The following ENTREP2 variants were observed in gnomAD, a reference collection of about 807,000 sequenced individuals.
ENTREP2 encodes endosomal transmembrane epsin interactor 2, also known as protein ENTREP2.
chr15:29,650,375 C>G, the ENTREP2 span, among the ~76,000 whole-genome samples: 1 of 151,962 alleles, frequency 6.6e-6, no homozygotes, highest in Non-Finnish European at 1.5e-5. Context: ...GGTGGATCAC[C>G]TGAGATCAGG....
chr15:29,645,630 T>C, the ENTREP2 span, among the ~76,000 whole-genome samples: 1 of 152,006 alleles, frequency 6.6e-6, no homozygotes, highest in Non-Finnish European at 1.5e-5. Flanking sequence ...TGGTCTCGGC[T>C]CACTACAAGC....
the ENTREP2 span, among the ~76,000 whole-genome samples, chr15:29,134,944 G>A: frequency 4.5e-4 from 69 of 152,244 alleles, no homozygotes; most frequent in Middle Eastern, 3.4e-3. Context: ...CTGATCTGAT[G>A]CCCGGTACCA....
At chr15:29,138,590 TGTA>T in the ENTREP2 span, among the ~76,000 whole-genome samples, 16 of 151,660 alleles carry the variant, frequency 1.1e-4, no homozygotes, top group African/African-American at 3.6e-4. Flanking sequence ...CATGTGTCTG[TGTA>T]TATATGTATG....
At chr15:29,506,072 C>T in the ENTREP2 span, among the ~76,000 whole-genome samples, 5 of 152,086 alleles carry the variant, frequency 3.3e-5, no homozygotes, top group African/African-American at 1.2e-4. Flanking sequence ...CATAAATGAC[C>T]TGATGGAGCT....
the ENTREP2 span, among the ~76,000 whole-genome samples, chr15:29,383,339 G>A: frequency 6.6e-6 from 1 of 152,176 alleles, no homozygotes; most frequent in South Asian, 2.1e-4. Context: ...CTCCACAAGA[G>A]TACCTCTTCT....
At chr15:29,246,754 C>CT in the ENTREP2 span, among the ~76,000 whole-genome samples, 3 of 152,082 alleles carry the variant, frequency 2.0e-5, no homozygotes, top group East Asian at 5.8e-4. Flanking sequence ...CTAGAAACAT[C>CT]TTTTAACTTA....
the ENTREP2 span, among the ~76,000 whole-genome samples, chr15:29,542,697 T>C: frequency 6.6e-6 from 1 of 152,146 alleles, no homozygotes; most frequent in Non-Finnish European, 1.5e-5. Flanking sequence ...GAGCTCTTTT[T>C]ATCATGCAAA....
the ENTREP2 span, among the ~76,000 whole-genome samples, chr15:29,397,353 T>C: frequency 2.0e-5 from 3 of 152,092 alleles, no homozygotes; most frequent in African/African-American, 4.8e-5. Context: ...ATTGTGCCAC[T>C]GCACTCCAGC....
chr15:29,534,066 ACAC>A, the ENTREP2 span, among the ~76,000 whole-genome samples: 1,583 of 146,746 alleles, frequency 0.011, 24 homozygotes, highest in African/African-American at 0.039. Context: ...GTCCAACCTA[ACAC>A]CACACCAGTG....
chr15:29,563,784 C>T, the ENTREP2 span, among the ~76,000 whole-genome samples: 1 of 151,942 alleles, frequency 6.6e-6, no homozygotes, highest in African/African-American at 2.4e-5. Context: ...ATGTAGTGAG[C>T]CAAGATTGCT....
the ENTREP2 span, among the ~76,000 whole-genome samples, chr15:29,519,340 G>C: frequency 6.6e-6 from 1 of 151,620 alleles, no homozygotes; most frequent in African/African-American, 2.4e-5. Flanking sequence ...GTTACACTGA[G>C]TGTGCCTGCC....
the ENTREP2 span, among the ~76,000 whole-genome samples, chr15:29,674,176 G>A: frequency 5.6e-4 from 83 of 149,394 alleles, no homozygotes; most frequent in African/African-American, 1.4e-3. Flanking sequence ...TGCCCCAGGG[G>A]ACCAGGAAGC....
At chr15:29,128,024 C>T in the ENTREP2 span, among the ~76,000 whole-genome samples, 1 of 152,220 alleles carries the variant, frequency 6.6e-6, no homozygotes, top group Non-Finnish European at 1.5e-5. Flanking sequence ...AGAAAGATGG[C>T]TCCTTCCTGT....
the ENTREP2 span, among the ~76,000 whole-genome samples, chr15:29,538,026 C>T: frequency 6.6e-6 from 1 of 152,200 alleles, no homozygotes; most frequent in Non-Finnish European, 1.5e-5. Context: ...ACTGACCCTT[C>T]ACACCCCTTC....
the ENTREP2 span, chr15:29,120,363 A>G: frequency 0.07 from 10,703 of 152,352 alleles, 530 homozygotes; most frequent in East Asian, 0.2. Flanking sequence ...GTGGCTTGAA[A>G]ACAATTTCCT....
At chr15:29,419,166 T>C in the ENTREP2 span, among the ~76,000 whole-genome samples, 2 of 152,170 alleles carry the variant, frequency 1.3e-5, no homozygotes, top group South Asian at 4.1e-4. Flanking sequence ...GAACACCAGA[T>C]AATCTGGACA....
chr15:29,140,796 G>C, the ENTREP2 span, among the ~76,000 whole-genome samples: 674 of 152,204 alleles, frequency 4.4e-3, 7 homozygotes, highest in African/African-American at 0.016. Context: ...CCTGGAGGTG[G>C]AGGGCAAAAA....
the ENTREP2 span, among the ~76,000 whole-genome samples, chr15:29,190,806 C>A: frequency 6.6e-6 from 1 of 152,260 alleles, no homozygotes; most frequent in East Asian, 1.9e-4. Context: ...TGTTACTAAT[C>A]AGATAAACAG....
chr15:29,156,087 G>C, the ENTREP2 span, among the ~76,000 whole-genome samples: 1 of 152,170 alleles, frequency 6.6e-6, no homozygotes, highest in Non-Finnish European at 1.5e-5. Context: ...GTATTTTGCA[G>C]GTAATGGAAT....
Sources: allele counts gnomAD v4.1 joint callset (sites outside exome capture counted in the v4.1 genomes callset), GRCh38; gene constraint gnomAD v4.1.1; transcripts MANE v1.5; gene names NCBI Gene and HGNC (gene_info 2026-07-23, HGNC 2026-07-21).